Variants in GTF3C2 observed in about 807,000 individuals in gnomAD.
GTF3C2 encodes general transcription factor 3C polypeptide 2.
In GTF3C2, 17 loss-of-function variants were observed where a neutral mutation model predicts 117.4. The observed-to-expected ratio is 0.14, with a 90% CI of 0.10 to 0.22. GTF3C2 has a LOEUF of 0.22. Ranked by LOEUF, GTF3C2 falls within the 10% of genes least tolerant of loss-of-function variation. GTF3C2 has a pLI of 1.00. For missense variants in GTF3C2, 888 were observed against 1,143.6 expected, an observed-to-expected ratio of 0.78 and a Z score of 3.22; for synonymous variants, 437 against 427.0, an observed-to-expected ratio of 1.02 and a Z score of -0.29.
At chr2:27,355,919 T>G (rs1022126240) in intron 1 of GTF3C2, among the ~76,000 whole-genome samples, 1 of 152,222 alleles carries the variant, frequency 6.6e-6, no homozygotes, top group Middle Eastern at 3.2e-3. Context: ...CGGTTTCATT[T>G]ATATTGCTTA....
chr2:27,333,778 A>G (rs1307768958), exon 12 of GTF3C2: 1 of 1,603,410 alleles, frequency 6.2e-7, no homozygotes, highest in Non-Finnish European at 8.5e-7. Context: ...GTTGCCACAC[A>G]TTGTACCTGC....
chr2:27,345,699 G>A (rs1007044554), intron 1 of GTF3C2, among the ~76,000 whole-genome samples: 1 of 151,012 alleles, frequency 6.6e-6, no homozygotes, highest in African/African-American at 2.4e-5. Context: ...ATCCTATTAT[G>A]TTAAGAAAGC....
At chr2:27,326,377 T>C (rs952539386) in exon 19 of GTF3C2, 1 of 519,070 alleles carries the variant, frequency 1.9e-6, no homozygotes, top group Non-Finnish European at 3.5e-6. Flanking sequence ...AACAATATGC[T>C]CAATATGAGC....
In GTF3C2 at chr2:27,329,468, G is replaced by A. The variant is rs142646778; in HGVS notation, c.1788C>T (p.Leu596=). ...GGTAGAGCTTTAAGGAGCCATCAGA[G>A]AGCCGTATCCGCTGCAGGGGTGAGT... is the stretch of plus-strand genomic sequence containing the variant. The change falls in exon 13 of 19, where the codon CTC becomes CTT. Residue 596 remains leucine, a synonymous_variant. Transcript: ENST00000264720. This position sits in a 1 kb window ranked among gnomAD's most constrained non-coding sequence, Gnocchi z 4.5. The A allele has an allele frequency of 1.9e-6, 3 of 1,614,068 alleles. No individual in the cohort carries two copies. The highest frequency in any genetic ancestry group is 1.7e-6 in the Non-Finnish European group (2 of 1,179,938).
chr2:27,326,753 A>T, exon 19 of GTF3C2: 1 of 1,614,078 alleles, frequency 6.2e-7, no homozygotes, highest in South Asian at 1.1e-5. Context: ...GGAACATAGC[A>T]TTGAAGTGGG....
chr2:27,343,562 C>A, exon 2 of GTF3C2: 7 of 1,613,524 alleles, frequency 4.3e-6, no homozygotes, highest in Non-Finnish European at 5.9e-6. Context: ...CATCAGCACC[C>A]CCCAAAATGG....
chr2:27,337,148 G>A (rs1680515179), intron 7 of GTF3C2, 96 bp downstream of exon 7: 1 of 712,544 alleles, frequency 1.4e-6, no homozygotes, highest in Non-Finnish European at 2.4e-6. Flanking sequence ...CCAGCATCAG[G>A]GGAAGGACAG....
chr2:27,356,629 G>C (rs1021124173), intron 1 of GTF3C2, 110 bp downstream of exon 1: 2 of 158,702 alleles, frequency 1.3e-5, no homozygotes, highest in Admixed American at 6.0e-5. Flanking sequence ...GCTGTGGCTG[G>C]GAGAAGAGCG....
At chr2:27,334,349 T>G (rs1680382292) in intron 10 of GTF3C2, among the ~76,000 whole-genome samples, 1 of 152,136 alleles carries the variant, frequency 6.6e-6, no homozygotes, top group South Asian at 2.1e-4. Context: ...CCTCTATCTG[T>G]TCCCATCTTC....
rs1681272449 is a variant in GTF3C2, at chr2:27,354,765, T to TA, written c.-25+1973dup. 3.3e-5 allele frequency among the ~76,000 whole-genome samples: 5 copies of TA among 152,234 alleles called. No individual in the cohort carries two copies. In the South Asian group the frequency reaches 1.0e-3, roughly 32 times the overall value. On this transcript the variant is annotated intron_variant, in intron 1 of 18. Coordinates refer to ENST00000264720, the Ensembl canonical transcript of GTF3C2. ...GACAGAGGAAGATTCCGGTTTTTTT[T>TA]AAAGGATTTTCTACATCAGTATACA... is the stretch of plus-strand genomic sequence containing the variant.
At chr2:27,330,431 C>T (rs1393050321) in intron 12 of GTF3C2, among the ~76,000 whole-genome samples, 2 of 151,380 alleles carry the variant, frequency 1.3e-5, no homozygotes, top group Non-Finnish European at 2.9e-5. Context: ...CAGTGCACTC[C>T]AGCCTGGGAG....
chr2:27,351,372 C>T (rs529353970), intron 1 of GTF3C2, among the ~76,000 whole-genome samples: 11 of 152,160 alleles, frequency 7.2e-5, no homozygotes, highest in African/African-American at 1.9e-4. Context: ...TGAGATCGCG[C>T]CACTGCACTC....
At chr2:27,337,482 G>T in exon 6 of GTF3C2, 1 of 1,603,116 alleles carries the variant, frequency 6.2e-7, no homozygotes, top group East Asian at 2.2e-5. Flanking sequence ...TCAACTTACA[G>T]CTCAGATAAC....
chr2:27,349,884 C>T (rs1681065243), intron 1 of GTF3C2, among the ~76,000 whole-genome samples: 1 of 152,006 alleles, frequency 6.6e-6, no homozygotes, highest in African/African-American at 2.4e-5. Context: ...AAATGATCCC[C>T]CTGCCTCAGT....
chr2:27,354,360 A>G (rs1383531971), intron 1 of GTF3C2, among the ~76,000 whole-genome samples: 1 of 152,232 alleles, frequency 6.6e-6, no homozygotes, highest in Non-Finnish European at 1.5e-5. Flanking sequence ...CCACGTCTAC[A>G]GGAGAAAAAC....
At position 27,343,309 on chromosome 2, in the gene GTF3C2, T is replaced by C. The variant is rs566486825; in HGVS notation, c.246A>G (p.Pro82=). The C allele has an allele frequency of 6.2e-6, 10 of 1,613,746 alleles. No homozygotes were observed. In the East Asian group the frequency reaches 2.2e-4, roughly 36 times the overall value. ...AAGATAAGAGGACAAGGTACATACC[T>C]GGCTGTTCCAGTCTGGAGAGGCTTT... The change falls in exon 2 of 19, where the codon CCA becomes CCG. Residue 82 remains proline, a splice_region_variant and synonymous_variant. Transcript: ENST00000264720.
chr2:27,330,870 G>A (rs989611539), intron 12 of GTF3C2, among the ~76,000 whole-genome samples: 7 of 152,068 alleles, frequency 4.6e-5, no homozygotes, highest in Non-Finnish European at 2.9e-5. Context: ...GCTGAGGTGG[G>A]AGAACTGCTT....
chr2:27,330,369 T>A (rs150643250), intron 12 of GTF3C2, among the ~76,000 whole-genome samples: 2,992 of 148,690 alleles, frequency 0.02, 104 homozygotes, highest in African/African-American at 0.071. Flanking sequence ...GGGTGAGACA[T>A]GAGAATCACT....
chr2:27,342,865 G>T, exon 3 of GTF3C2: 1 of 1,614,114 alleles, frequency 6.2e-7, no homozygotes. Flanking sequence ...CCCAGAAGGG[G>T]TCTCAAAGTC....
Sources: gnomAD v4.1 joint callset for allele counts (sites outside exome capture counted in the v4.1 genomes callset) on GRCh38, gnomAD v4.1.1 for gene constraint, Gnocchi (gnomAD v3.1) non-coding constraint, MANE v1.5 for transcripts, NCBI Gene and HGNC (gene_info 2026-07-23, HGNC 2026-07-21) for gene names.